Variants in CSMD1 observed in about 807,000 individuals in gnomAD.
CSMD1 encodes CUB and sushi domain-containing protein 1.
CSMD1 carries 213 observed loss-of-function variants against 417.5 expected under a neutral mutation model. The ratio of observed to expected loss-of-function variants is 0.51; its 90% CI spans 0.46 to 0.57. CSMD1 has a LOEUF of 0.57. Among genes scored for constraint, CSMD1 ranks in the 20% least tolerant of loss-of-function variants. CSMD1 has a pLI of 0.00. For synonymous variants in CSMD1, 2,862 were observed against 1,736.8 expected (o/e 1.65, Z -16.11); for missense variants, 6,923 against 4,529.7 (o/e 1.53, Z -15.17).
chr8:4,175,411 T>C (rs1797986827), intron 3 of CSMD1, among the ~76,000 whole-genome samples: 1 of 152,172 alleles, frequency 6.6e-6, no homozygotes, highest in Admixed American at 6.5e-5. Context: ...TATACTTTTA[T>C]TGTTCAACGG....
chr8:3,155,813 G>A (rs1819493921), intron 39 of CSMD1, among the ~76,000 whole-genome samples: 1 of 152,190 alleles, frequency 6.6e-6, no homozygotes. Flanking sequence ...CAACTATGAT[G>A]TAGTGAACAT....
At chr8:4,040,402 C>G (rs1797826205) in intron 3 of CSMD1, among the ~76,000 whole-genome samples, 1 of 152,126 alleles carries the variant, frequency 6.6e-6, no homozygotes, top group Non-Finnish European at 1.5e-5. Flanking sequence ...GCAGGGAGAT[C>G]AAGTAATTTC....
chr8:4,071,709 A>C (rs1799567368), intron 3 of CSMD1, among the ~76,000 whole-genome samples: 1 of 151,534 alleles, frequency 6.6e-6, no homozygotes, highest in South Asian at 2.1e-4. Context: ...GAGATTTTAG[A>C]CTCTGTTATG....
intron 3 of CSMD1, among the ~76,000 whole-genome samples, chr8:4,399,710 G>C (rs1403770010): frequency 6.6e-6 from 1 of 152,080 alleles, no homozygotes; most frequent in East Asian, 1.9e-4. Context: ...GAAAAAAGCA[G>C]TTTTACCTTG....
chr8:3,329,513 C>G (rs1286100754), intron 23 of CSMD1, among the ~76,000 whole-genome samples: 1 of 152,184 alleles, frequency 6.6e-6, no homozygotes. Flanking sequence ...TAGTTAACAT[C>G]TTTTCCCCAT....
intron 2 of CSMD1, among the ~76,000 whole-genome samples, chr8:4,513,949 G>A (rs146814388): frequency 6.6e-6 from 1 of 152,146 alleles, no homozygotes; most frequent in Admixed American, 6.5e-5. Flanking sequence ...GTGATCCAAA[G>A]AATCACTTGG....
intron 2 of CSMD1, among the ~76,000 whole-genome samples, chr8:4,432,922 G>T (rs987834078): frequency 1.3e-5 from 2 of 152,332 alleles, no homozygotes; most frequent in South Asian, 4.1e-4. Context: ...GAGAGGCTGT[G>T]TTGTTTTCAC....
Position 3,755,647 on chromosome 8 carries a change from T to C in CSMD1, c.819-1605A>G, listed in dbSNP as rs537262775. ...GCATTTCCCTACTTATTCTATTACCTGGAAGAAGCAACACCAGATGAAATA... is the reference window on the plus strand; with the variant it reads ...GCATTTCCCTACTTATTCTATTACCCGGAAGAAGCAACACCAGATGAAATA... On this transcript the variant is annotated intron_variant, in intron 5 of 69. Coordinates refer to ENST00000635120, the MANE Select transcript of CSMD1 (RefSeq NM_033225.6). Among the ~76,000 whole-genome samples the C allele has an allele frequency of 3.9e-5, 6 of 152,212 alleles. No individual in the cohort carries two copies. The East Asian group carries it at 9.7e-4, about 25-fold the overall frequency.
At chr8:4,014,560 G>C (rs562453302) in intron 4 of CSMD1, among the ~76,000 whole-genome samples, 2 of 152,256 alleles carry the variant, frequency 1.3e-5, no homozygotes, top group Admixed American at 6.5e-5. Context: ...TTGGTATTAA[G>C]CACCTGGATC....
intron 1 of CSMD1, among the ~76,000 whole-genome samples, chr8:4,945,764 T>C (rs1259267122): frequency 6.6e-6 from 1 of 151,984 alleles, no homozygotes; most frequent in South Asian, 2.1e-4. Flanking sequence ...CTGGAGAAGA[T>C]GATGAATACT....
chr8:3,580,115 A>G (rs1218688015), intron 9 of CSMD1, among the ~76,000 whole-genome samples: 1 of 152,148 alleles, frequency 6.6e-6, no homozygotes, highest in Non-Finnish European at 1.5e-5. Flanking sequence ...AAAAGAAAAG[A>G]AAATAAAAAG....
chr8:4,236,608 C>G (rs1714687), intron 3 of CSMD1, among the ~76,000 whole-genome samples: 63,768 of 151,988 alleles, frequency 0.42, 13,683 homozygotes, highest in South Asian at 0.59. Context: ...AGCTTAGGTT[C>G]TAAACCTACC....
chr8:4,080,375 T>A (rs536461033), intron 3 of CSMD1, among the ~76,000 whole-genome samples: 1 of 152,208 alleles, frequency 6.6e-6, no homozygotes, highest in Non-Finnish European at 1.5e-5. Flanking sequence ...CAAACAGGTA[T>A]CAGAATTCTA....
chr8:3,479,276 TTTTATTTA>T (rs1000504939), intron 11 of CSMD1, among the ~76,000 whole-genome samples: 1 of 152,058 alleles, frequency 6.6e-6, no homozygotes, highest in Non-Finnish European at 1.5e-5. Flanking sequence ...TTGCCATTAT[TTTTATTTA>T]TTTATTTATT....
chr8:4,863,446 T>C (rs973549767), intron 1 of CSMD1, among the ~76,000 whole-genome samples: 2 of 152,102 alleles, frequency 1.3e-5, no homozygotes, highest in African/African-American at 4.8e-5. Context: ...GAATCCAGAT[T>C]CTAGAACATT....
chr8:3,866,533 G>A (rs757318534), intron 5 of CSMD1, among the ~76,000 whole-genome samples: 3 of 152,098 alleles, frequency 2.0e-5, no homozygotes, highest in Non-Finnish European at 2.9e-5. Flanking sequence ...TAATGTGTAC[G>A]TTTTGGTCTT....
At chr8:4,397,588 G>A (rs912514296) in intron 3 of CSMD1, among the ~76,000 whole-genome samples, 1 of 129,092 alleles carries the variant, frequency 7.7e-6, no homozygotes, top group Non-Finnish European at 1.5e-5. Flanking sequence ...AGGCCACAGT[G>A]CAGCACCTGA....
intron 7 of CSMD1, among the ~76,000 whole-genome samples, chr8:3,651,901 G>C (rs762517992): frequency 1.7e-4 from 25 of 149,654 alleles, no homozygotes; most frequent in African/African-American, 3.0e-4. Flanking sequence ...ACTACCATCA[G>C]AGTGCTTACC....
intron 26 of CSMD1, 36 bp from the exon 27 acceptor site, chr8:3,230,267 A>T (rs1172594136): frequency 1.3e-6 from 2 of 1,499,402 alleles, no homozygotes; most frequent in Middle Eastern, 2.3e-4. Context: ...CACAGGCTGG[A>T]AAACATGGTT....
Sources: gnomAD v4.1 joint callset for allele counts (sites outside exome capture counted in the v4.1 genomes callset) on GRCh38, gnomAD v4.1.1 for gene constraint, MANE v1.5 for transcripts, NCBI Gene and HGNC (gene_info 2026-07-23, HGNC 2026-07-21) for gene names.